Variants in OTUD4 observed in about 807,000 individuals in gnomAD.
OTUD4 encodes OTU deubiquitinase 4.
In OTUD4, 24 loss-of-function variants were observed where a neutral mutation model predicts 130.4. The ratio of observed to expected loss-of-function variants is 0.18; its 90% CI spans 0.13 to 0.26. The LOEUF (loss-of-function observed/expected upper bound fraction) is 0.26, where lower values mean the gene tolerates loss of function less well. Among genes scored for constraint, OTUD4 ranks in the 10% least tolerant of loss-of-function variants. The pLI, the probability that OTUD4 is intolerant of heterozygous loss-of-function variation, is 1.00. For synonymous variants in OTUD4, 420 were observed against 472.5 expected, an observed-to-expected ratio of 0.89 and a Z score of 1.44; for missense variants, 1,031 against 1,329.4, an observed-to-expected ratio of 0.78 and a Z score of 3.49.
At chr4:145,156,215 T>C (rs1442685901) in intron 7 of OTUD4, among the ~76,000 whole-genome samples, 1 of 152,246 alleles carries the variant, frequency 6.6e-6, no homozygotes, top group South Asian at 2.1e-4. Flanking sequence ...ACAGTAATTC[T>C]AACTGGCTCA....
intron 11 of OTUD4, among the ~76,000 whole-genome samples, chr4:145,151,712 G>A (rs1315169059): frequency 6.6e-6 from 1 of 152,138 alleles, no homozygotes; most frequent in Non-Finnish European, 1.5e-5. Flanking sequence ...TTCAAAAATT[G>A]TGCTGCTGGT....
Position 145,138,237 on chromosome 4 carries a change from T to C in OTUD4, c.2538A>G (p.Pro846=). 6.2e-7 allele frequency: 1 copy of C among 1,613,976 alleles called. No individual in the cohort carries two copies. The highest frequency in any genetic ancestry group is 1.3e-5 in the African/African-American group (1 of 75,046). The change falls in exon 21 of 21, where the codon CCA becomes CCG. Residue 846 remains proline, a synonymous_variant. Coordinates refer to ENST00000447906, the MANE Select transcript of OTUD4 (RefSeq NM_001366057.1). ...MFPQPSFGPN[P]FLGPVPIAPP... ...GTGCAATAGGAACTGGGCCTAAGAA[T>C]GGATTGGGTCCAAAAGATGGCTGGG... is the stretch of plus-strand genomic sequence containing the variant.
intron 2 of OTUD4, among the ~76,000 whole-genome samples, chr4:145,172,805 C>T (rs182070447): frequency 2.6e-5 from 4 of 151,972 alleles, no homozygotes; most frequent in African/African-American, 7.2e-5. Context: ...CAATAAAGGG[C>T]TACTGTTCTG....
At chr4:145,157,518 C>G (rs889935905) in intron 7 of OTUD4, among the ~76,000 whole-genome samples, 1 of 151,972 alleles carries the variant, frequency 6.6e-6, no homozygotes, top group Non-Finnish European at 1.5e-5. Context: ...AACCCCATCT[C>G]TACTAAAAAT....
In OTUD4 at chr4:145,134,543, G is replaced by GA. The variant is rs1341102027; in HGVS notation, c.*2886dup. The GA allele has an allele frequency of 2.5e-6, 1 of 396,262 alleles. No homozygotes were observed. The highest frequency in any genetic ancestry group is 4.4e-6 in the Non-Finnish European group (1 of 224,880). 24.5% of individuals were successfully genotyped at this position (396,262 alleles called of 1,614,324 possible). On this transcript the variant is annotated 3_prime_UTR_variant, in exon 21 of 21. Transcript: ENST00000447906. ...TTTAATTCAACCTTGAGTCACAAAG[G>GA]AAACAACACGCTGCAAGAATACAGT...
In OTUD4 at chr4:145,159,572, T is replaced by G; in HGVS notation, c.560A>C (p.Glu187Ala). Residue 187 changes from glutamate (E) to alanine (A), a missense_variant, in exon 7 of 21, where the codon GAA (glutamate) becomes GCA (alanine). By Grantham distance (107) the Glu-to-Ala change is moderately radical. Transcript: ENST00000447906. ...ATCAGCTACTTCCAACGTGTCTAGT[T>G]CCATCACAATTTTACTAACATCAGT... ...FKTDVSKIVM[E>A]LDTLEVADED... The G allele has an allele frequency of 6.2e-7, 1 of 1,613,158 alleles. No individual in the cohort carries two copies. The highest frequency in any genetic ancestry group is 8.5e-7 in the Non-Finnish European group (1 of 1,179,272).
chr4:145,160,805 C>T (rs1751523896), intron 6 of OTUD4, among the ~76,000 whole-genome samples: 1 of 149,164 alleles, frequency 6.7e-6, no homozygotes. Flanking sequence ...AGAGCGAGAC[C>T]CTGTCTTAAA....
intron 3 of OTUD4, among the ~76,000 whole-genome samples, 154 bp from the exon 4 acceptor site, chr4:145,165,351 A>G (rs1481473297): frequency 6.6e-6 from 1 of 152,222 alleles, no homozygotes; most frequent in East Asian, 1.9e-4. Context: ...CGTTTATATA[A>G]AACAGACCAC....
chr4:145,169,005 G>C (rs145117717), intron 3 of OTUD4, among the ~76,000 whole-genome samples: 27 of 152,318 alleles, frequency 1.8e-4, no homozygotes, highest in African/African-American at 5.8e-4. Context: ...ATGAATTTTA[G>C]TATTTCCAAT....
In OTUD4 at chr4:145,180,430, G is replaced by A. The variant is rs1752641286; in HGVS notation, c.-457C>T. Among the ~76,000 whole-genome samples the A allele has an allele frequency of 5.3e-5, 8 of 152,320 alleles. No homozygotes were observed. The South Asian group carries it at 1.7e-3, about 32-fold the overall frequency. On this transcript the variant is annotated 5_prime_UTR_variant, in exon 1 of 21. Transcript: ENST00000447906. ...TGCGCCCCCGCGCACTCCCCACGCCGGGAGCCGAGGAAACCAAAAAGAAAG... is the reference window on the plus strand; with the variant it reads ...TGCGCCCCCGCGCACTCCCCACGCCAGGAGCCGAGGAAACCAAAAAGAAAG...
chr4:145,148,487 GA>G (rs1750921264), intron 13 of OTUD4, among the ~76,000 whole-genome samples: 1 of 146,524 alleles, frequency 6.8e-6, no homozygotes, highest in African/African-American at 2.5e-5. Flanking sequence ...CAACAAGAGT[GA>G]AACTCCGTCT....
rs1750167619 is a variant in OTUD4, at chr4:145,134,936, T to C, written c.*2494A>G. On this transcript the variant is annotated 3_prime_UTR_variant, in exon 21 of 21. Coordinates refer to ENST00000447906, the MANE Select transcript of OTUD4 (RefSeq NM_001366057.1). ...AAAATACAAATGATCCTCAGTTCTATACTTTTGCCTCTATTCTCTTATAAA... is the reference window on the plus strand; with the variant it reads ...AAAATACAAATGATCCTCAGTTCTACACTTTTGCCTCTATTCTCTTATAAA... 1 of 398,658 alleles carries C rather than the reference T, an allele frequency of 2.5e-6. No individual in the cohort carries two copies. 24.7% of individuals were successfully genotyped at this position (398,658 alleles called of 1,614,324 possible).
chr4:145,155,289 G>A (rs566998961), intron 10 of OTUD4, 122 bp downstream of exon 10: 1 of 757,626 alleles, frequency 1.3e-6, no homozygotes, highest in Non-Finnish European at 2.2e-6. Flanking sequence ...GTATATACAT[G>A]ATAAATATAT....
At chr4:145,164,087 G>A (rs911337233) in intron 5 of OTUD4, 67 bp downstream of exon 5, 1 of 681,440 alleles carries the variant, frequency 1.5e-6, no homozygotes, top group Non-Finnish European at 2.6e-6. Context: ...TATAGCTTAT[G>A]AGGTCATGGT....
intron 7 of OTUD4, among the ~76,000 whole-genome samples, chr4:145,157,471 C>T (rs1751348717): frequency 6.6e-6 from 1 of 152,012 alleles, no homozygotes; most frequent in African/African-American, 2.4e-5. Flanking sequence ...GGTGGATCGC[C>T]TGAGTTCAGG....
chr4:145,177,400 T>G (rs1167989650), intron 1 of OTUD4, among the ~76,000 whole-genome samples: 1 of 152,174 alleles, frequency 6.6e-6, no homozygotes, highest in Non-Finnish European at 1.5e-5. Context: ...AGTGTGAGAG[T>G]GCTGGTAATT....
rs375266271 is a variant in OTUD4, at chr4:145,177,127, A to G, written c.160-2383T>C. On this transcript the variant is annotated intron_variant, in intron 1 of 20. Transcript: ENST00000447906. ...ACTTCTTTCACAGAAGCTATGTTAG[A>G]CACTATCATGAATCAAGGTATTACT... Among the ~76,000 whole-genome samples, 9 of 152,252 alleles carry G rather than the reference A, an allele frequency of 5.9e-5. No individual in the cohort carries two copies. The East Asian group carries it at 1.7e-3, about 29-fold the overall frequency.
In OTUD4 at chr4:145,150,661, T is replaced by A. The variant is rs1172579287; in HGVS notation, c.1111A>T (p.Ile371Leu). The A allele has an allele frequency of 6.2e-7, 1 of 1,610,422 alleles. No individual in the cohort carries two copies. The highest frequency in any genetic ancestry group is 8.5e-7 in the Non-Finnish European group (1 of 1,176,938). ...YRGPKNPSKP[I>L]KAPSALPPRL... ...GGAGGTAGTGCTGATGGGGCTTTTA[T>A]TGGCTTGCTTGGATTCTTTGGCCCT... Residue 371 changes from isoleucine to leucine, a missense_variant, in exon 13 of 21, where the codon ATA (isoleucine) becomes TTA (leucine). By Grantham distance (5) the Ile-to-Leu change is conservative. Around this residue, in one of 3 missense-constraint regions of OTUD4, gnomAD observed 900 missense variants for 1,095.9 expected, o/e 0.82. Transcript: ENST00000447906.
chr4:145,144,370 T>C lies in OTUD4; in HGVS notation c.1487A>G (p.His496Arg). The change falls in exon 15 of 21, where the codon CAT becomes CGT. Residue 496 changes from histidine (H) to arginine (R), a missense_variant. By Grantham distance (29) the His-to-Arg change is conservative (BLOSUM62 0). Coordinates refer to ENST00000447906, the MANE Select transcript of OTUD4 (RefSeq NM_001366057.1). ...CCTGCTTCCTTTTCTATCACCTACA[T>C]GTGATGATTTTCTCTGGACACATGG... ...SNPCVQRKSSHVGDRKGSRRR... is the reference protein window; with the variant it reads ...SNPCVQRKSSRVGDRKGSRRR... The C allele has an allele frequency of 2.5e-6, 4 of 1,612,014 alleles. No individual in the cohort carries two copies. The highest frequency in any genetic ancestry group is 3.4e-6 in the Non-Finnish European group (4 of 1,178,496).
Sources: allele counts gnomAD v4.1 joint callset (sites outside exome capture counted in the v4.1 genomes callset), GRCh38; gene constraint gnomAD v4.1.1; regional missense constraint gnomAD v4.1.1; transcripts MANE v1.5; gene names NCBI Gene and HGNC (gene_info 2026-07-23, HGNC 2026-07-21).